Variants in ABCA8 observed in about 807,000 individuals in gnomAD.
The protein encoded by ABCA8 is ABC-type organic anion transporter ABCA8.
In ABCA8, 177 loss-of-function variants were observed where a neutral mutation model predicts 192.3. That is an observed-to-expected ratio of 0.92 (90% CI 0.81 to 1.04). ABCA8 has a LOEUF of 1.04. ABCA8 is among the 50% of genes least tolerant of loss of function. The pLI, the probability that ABCA8 is intolerant of heterozygous loss-of-function variation, is 0.00. For missense variants in ABCA8, 1,915 were observed against 1,904.8 expected (o/e 1.01, Z -0.10); for synonymous variants, 642 against 690.2 (o/e 0.93, Z 1.09).
chr17:68,930,787 A>C (rs896287425), intron 7 of ABCA8, among the ~76,000 whole-genome samples: 2 of 152,154 alleles, frequency 1.3e-5, no homozygotes, highest in Non-Finnish European at 2.9e-5. Context: ...ACAAGAGGTC[A>C]ATATTGATGT....
intron 13 of ABCA8, chr17:68,920,131 T>G (rs1294774342): frequency 6.6e-6 from 1 of 152,224 alleles, no homozygotes; most frequent in Non-Finnish European, 1.5e-5. Flanking sequence ...GCTATCATCT[T>G]TAGTAAACTA....
Position 68,952,824 on chromosome 17 carries a change from CT to C in ABCA8, c.-167+2394del, listed in dbSNP as rs1259267369. 8.5e-5 allele frequency among the ~76,000 whole-genome samples: 13 copies of C among 152,292 alleles called. No homozygotes were observed. In the East Asian group the frequency reaches 2.5e-3, roughly 29 times the overall value. Reference sequence around the variant, plus strand: ...ACAGCAGTAGACTACCCTCTACCCCCTGGTAGGAGTAGTAGCACATCACAGT... The same window carrying C: ...ACAGCAGTAGACTACCCTCTACCCCCGGTAGGAGTAGTAGCACATCACAGT... On this transcript the variant is annotated intron_variant, in intron 1 of 39. Coordinates refer to ENST00000586539, the MANE Select transcript of ABCA8 (RefSeq NM_001288985.2).
At position 68,932,525 on chromosome 17, in the gene ABCA8, G is replaced by A. The variant is rs2067930127; in HGVS notation, c.571-11C>T. On this transcript the variant is annotated splice_polypyrimidine_tract_variant and intron_variant, in intron 6 of 39. Coordinates refer to ENST00000586539, the MANE Select transcript of ABCA8 (RefSeq NM_001288985.2). ...GTGATTTGTTGTGATCTGAAGAAAG[G>A]CATTAATAAGCAAAATTTGTACGTT... is the stretch of plus-strand genomic sequence containing the variant. 3 of 1,568,856 alleles carry A rather than the reference G, an allele frequency of 1.9e-6. No homozygotes were observed. The highest frequency in any genetic ancestry group is 1.7e-5 in the Admixed American group (1 of 59,134).
Position 68,925,669 on chromosome 17 carries a change from T to C in ABCA8, c.1274-800A>G, listed in dbSNP as rs1478460342. On this transcript the variant is annotated intron_variant, in intron 10 of 39. Coordinates refer to ENST00000586539, the MANE Select transcript of ABCA8 (RefSeq NM_001288985.2). The stretch of plus-strand genomic sequence containing the variant: ...CAGTCCTTCATTCATGCAATAAATG[T>C]CTTACACTCTCTGTATACCTGCCAC... Among the ~76,000 whole-genome samples the C allele has an allele frequency of 3.3e-5, 5 of 152,196 alleles. No homozygotes were observed. In the East Asian group the frequency reaches 9.6e-4, roughly 29 times the overall value.
intron 28 of ABCA8, 71 bp downstream of exon 28, chr17:68,884,260 A>T (rs1567826547): frequency 3.8e-6 from 5 of 1,321,750 alleles, no homozygotes; most frequent in East Asian, 5.4e-5. Context: ...GAAGTTTCAC[A>T]GTGTGTACAG....
chr17:68,904,562 C>T (rs2067012311), intron 19 of ABCA8, among the ~76,000 whole-genome samples: 1 of 151,986 alleles, frequency 6.6e-6, no homozygotes, highest in Non-Finnish European at 1.5e-5. Flanking sequence ...GAGAAAACCA[C>T]CATAGGTAGG....
intron 21 of ABCA8, among the ~76,000 whole-genome samples, chr17:68,898,064 G>A (rs1424364032): frequency 1.3e-5 from 2 of 152,176 alleles, no homozygotes; most frequent in Non-Finnish European, 2.9e-5. Flanking sequence ...TAAAAATGGT[G>A]AGGACAAAGG....
intron 37 of ABCA8, among the ~76,000 whole-genome samples, chr17:68,871,374 A>G (rs2066047684): frequency 6.6e-6 from 1 of 152,182 alleles, no homozygotes; most frequent in Admixed American, 6.6e-5. Context: ...CTACCTTTTA[A>G]TACCATCAAA....
chr17:68,892,069 AC>A (rs1363840183), intron 23 of ABCA8, among the ~76,000 whole-genome samples: 1 of 152,232 alleles, frequency 6.6e-6, no homozygotes, highest in Non-Finnish European at 1.5e-5. Context: ...GAGATGAAGT[AC>A]TAGAAGGGAG....
intron 21 of ABCA8, among the ~76,000 whole-genome samples, chr17:68,901,273 T>TAGA (rs1567843179): frequency 3.5e-5 from 2 of 57,958 alleles, no homozygotes; most frequent in South Asian, 1.9e-3. Context: ...AGAATTTTTA[T>TAGA]CATAACACTT....
rs2143558930 is a variant in ABCA8, at chr17:68,911,873, TCA to T, written c.2139-3996_2139-3995del. Among the ~76,000 whole-genome samples, 1 of 152,278 alleles carries T rather than the reference TCA, an allele frequency of 6.6e-6. No individual in the cohort carries two copies. The highest frequency in any genetic ancestry group is 2.1e-4 in the South Asian group (1 of 4,824). ...TGGTACGTCGAAGAGTCTGCAAGAA[TCA>T]CCATGTTACTGGATTTGAGGGTGCC... On this transcript the variant is annotated intron_variant, in intron 17 of 39. Coordinates refer to ENST00000586539, the MANE Select transcript of ABCA8 (RefSeq NM_001288985.2). The surrounding 1 kb of genome is among the most constrained non-coding windows in gnomAD (Gnocchi z 5.7).
intron 21 of ABCA8, among the ~76,000 whole-genome samples, chr17:68,897,166 G>A (rs1036541358): frequency 6.6e-6 from 1 of 152,164 alleles, no homozygotes; most frequent in African/African-American, 2.4e-5. Context: ...GCTTGCTACT[G>A]GTGGTGCCTA....
chr17:68,920,444 C>CAA (rs984382433), intron 13 of ABCA8, among the ~76,000 whole-genome samples: 1 of 119,168 alleles, frequency 8.4e-6, no homozygotes, highest in Non-Finnish European at 1.8e-5. Context: ...TATTGCTTAA[C>CAA]AAAAAAAAAA....
chr17:68,940,386 G>A (rs1365340543), intron 4 of ABCA8, among the ~76,000 whole-genome samples: 2 of 152,074 alleles, frequency 1.3e-5, no homozygotes, highest in Non-Finnish European at 2.9e-5. Flanking sequence ...AAACACTACA[G>A]CAACGATTTC....
intron 26 of ABCA8, among the ~76,000 whole-genome samples, chr17:68,885,609 G>A (rs1030277876): frequency 3.3e-5 from 5 of 151,636 alleles, no homozygotes; most frequent in South Asian, 2.1e-4. Context: ...GTGCAGTAGC[G>A]TGATCATGGC....
intron 2 of ABCA8, among the ~76,000 whole-genome samples, chr17:68,944,357 TATACAC>T (rs2068330970): frequency 1.9e-5 from 1 of 53,406 alleles, no homozygotes; most frequent in Non-Finnish European, 4.3e-5. Context: ...TATATATATA[TATACAC>T]ATATACATAC....
chr17:68,868,569 C>T (rs1166539957), intron 38 of ABCA8, among the ~76,000 whole-genome samples: 2 of 152,130 alleles, frequency 1.3e-5, no homozygotes, highest in African/African-American at 4.8e-5. Flanking sequence ...GTATGTTGTG[C>T]AGTTTTTGCG....
At chr17:68,907,363 C>T (rs2143523001) in intron 18 of ABCA8, among the ~76,000 whole-genome samples, 1 of 151,572 alleles carries the variant, frequency 6.6e-6, no homozygotes, top group South Asian at 2.1e-4. Flanking sequence ...CCTGAAAAAC[C>T]CAAAGTTATT....
At chr17:68,952,286 T>A (rs938482344) in intron 1 of ABCA8, among the ~76,000 whole-genome samples, 1 of 152,256 alleles carries the variant, frequency 6.6e-6, no homozygotes, top group African/African-American at 2.4e-5. Context: ...TGGTGCGATC[T>A]CGGCTCACTG....
Sources: allele counts gnomAD v4.1 joint callset (sites outside exome capture counted in the v4.1 genomes callset), GRCh38; gene constraint gnomAD v4.1.1; non-coding constraint Gnocchi (gnomAD v3.1); transcripts MANE v1.5; gene names NCBI Gene and HGNC (gene_info 2026-07-23, HGNC 2026-07-21).